The following LRP4 variants were observed in gnomAD, a reference collection of about 807,000 sequenced individuals.
LRP4 encodes the protein low-density lipoprotein receptor-related protein 4.
In LRP4, 95 loss-of-function variants were observed where a neutral mutation model predicts 220.3. That is an observed-to-expected ratio of 0.43 (90% CI 0.37 to 0.51). The LOEUF is 0.51. Among genes scored for constraint, LRP4 ranks in the 20% least tolerant of loss-of-function variants. LRP4 has a pLI of 0.00. For missense variants in LRP4, 1,925 were observed against 2,567.0 expected (o/e 0.75, Z 5.40); for synonymous variants, 903 against 954.6 (o/e 0.95, Z 1.00).
chr11:46,907,794 A>G (rs1941785418), intron 1 of LRP4, among the ~76,000 whole-genome samples: 1 of 152,244 alleles, frequency 6.6e-6, no homozygotes, highest in South Asian at 2.1e-4. Flanking sequence ...TGAGCAAGTT[A>G]GTTAATCCCT....
rs1013630260 is a variant in LRP4, at chr11:46,889,272, C to T, written c.2215+139G>A. 4 of 1,189,306 alleles carry T rather than the reference C, an allele frequency of 3.4e-6. No homozygotes were observed. In the African/African-American group the frequency reaches 6.0e-5, roughly 18 times the overall value. 73.7% of individuals were successfully genotyped at this position (1,189,306 alleles called of 1,614,324 possible). ...GCTTTGATAGAAGATCCCTCAGCCT[C>T]TTAAGTTCTTCCTCTCCAGGGCTCC... On this transcript the variant is annotated intron_variant, in intron 16 of 37. Transcript: ENST00000378623.
chr11:46,870,119 A>G (rs1940821315), intron 31 of LRP4, among the ~76,000 whole-genome samples: 1 of 150,554 alleles, frequency 6.6e-6, no homozygotes, highest in Non-Finnish European at 1.5e-5. Context: ...AAAAAAAAAA[A>G]TTCACCAGGT....
At chr11:46,885,004 GA>G (rs1433997541) in intron 18 of LRP4, among the ~76,000 whole-genome samples, 2 of 152,020 alleles carry the variant, frequency 1.3e-5, no homozygotes, top group African/African-American at 4.8e-5. Context: ...TTGTTTTTTG[GA>G]GACAGGCTCT....
chr11:46,871,491 A>G, intron 31 of LRP4, 34 bp downstream of exon 31: 2 of 1,409,552 alleles, frequency 1.4e-6, no homozygotes, highest in Non-Finnish European at 2.0e-6. Context: ...ATCCCAGTCA[A>G]GGAGGTTTAG....
rs899131280 is a variant in LRP4 at position 46,890,994 on chromosome 11, A to C, written c.1698-500T>G. ...ATACTGGCAACAGGCAGGACATACT[A>C]TCTTAGGCACTGGAAATCTAGCAGT... On this transcript the variant is annotated intron_variant, in intron 13 of 37. Coordinates refer to ENST00000378623, the MANE Select transcript of LRP4 (RefSeq NM_002334.4). The surrounding 1 kb of genome is among the most constrained non-coding windows in gnomAD (Gnocchi z 5.3). Among the ~76,000 whole-genome samples the C allele has an allele frequency of 6.6e-6, 1 of 152,038 alleles. No homozygotes were observed. Among genetic ancestry groups the C allele is most frequent in the African/African-American group, 2.4e-5 (1 of 41,382 alleles).
rs752410125 is a variant in LRP4 at position 46,896,258 on chromosome 11, C to T, written c.1000G>A (p.Val334Ile). The change falls in exon 9 of 38, where the codon GTC (valine) becomes ATC (isoleucine). Residue 334 changes from valine (V) to isoleucine (I), a missense_variant. Transcript: ENST00000378623. ...TCGCTGTTGTCACCACAGTCGTTGA[C>T]CCCGTTGCACAGCTTCCTCTGCCCA... Reference protein sequence around the residue: ...CIGQRKLCNGVNDCGDNSDES... With the variant: ...CIGQRKLCNGINDCGDNSDES... 71 of 1,614,050 alleles carry T rather than the reference C, an allele frequency of 4.4e-5. No homozygotes were observed. Among genetic ancestry groups the T allele is most frequent in the Non-Finnish European group, 5.7e-5 (67 of 1,180,052 alleles).
At chr11:46,887,158 G>A (rs979048988) in intron 16 of LRP4, among the ~76,000 whole-genome samples, 11 of 152,186 alleles carry the variant, frequency 7.2e-5, no homozygotes, top group Admixed American at 2.0e-4. Context: ...TCCAGAGAAA[G>A]AGCTCTGGCC....
At position 46,873,130 on chromosome 11, in the gene LRP4, T is replaced by C. The variant is rs1940913881; in HGVS notation, c.4553A>G (p.Asn1518Ser). Residue 1518 changes from asparagine (N) to serine (S), a missense_variant, in exon 30 of 38, where the codon AAT (asparagine) becomes AGT (serine). This residue lies in a region of LRP4 where 1,244 missense variants were observed against 1,624.9 expected (regional missense o/e 0.77). Coordinates refer to ENST00000378623, the MANE Select transcript of LRP4 (RefSeq NM_002334.4). The surrounding 1 kb of genome is among the most constrained non-coding windows in gnomAD (Gnocchi z 4.2). Reference protein sequence around the residue: ...VLINTDLGWPNGLTLDYDTRR... With the variant: ...VLINTDLGWPSGLTLDYDTRR... ...GGTATCATAGTCCAGGGTAAGGCCA[T>C]TGGGCCAACCCAGGTCTGTGTTGAT... The C allele has an allele frequency of 1.2e-6, 2 of 1,614,206 alleles. No homozygotes were observed. Among genetic ancestry groups the C allele is most frequent in the Non-Finnish European group, 1.7e-6 (2 of 1,180,026 alleles).
At chr11:46,867,894 T>G in intron 34 of LRP4, 85 bp downstream of exon 34, 3 of 1,540,390 alleles carry the variant, frequency 1.9e-6, no homozygotes, top group Non-Finnish European at 2.7e-6. Context: ...ATCTCCCAAC[T>G]GCCTTATCAA....
chr11:46,885,770 C>CT (rs1491521184), intron 18 of LRP4, among the ~76,000 whole-genome samples: 1 of 98,940 alleles, frequency 1.0e-5, no homozygotes, highest in African/African-American at 4.8e-5. Context: ...AAGACTCCGC[C>CT]TCAAAAAAAA....
rs142130999 is a variant in LRP4, at chr11:46,875,681, G to C, written c.3700C>G (p.Arg1234Gly). 2 of 1,613,804 alleles carry C rather than the reference G, an allele frequency of 1.2e-6. No homozygotes were observed. The highest frequency in any genetic ancestry group is 1.7e-6 in the Non-Finnish European group (2 of 1,179,870). Residue 1234 changes from arginine to glycine, a missense_variant and splice_region_variant, in exon 27 of 38, where the codon CGA becomes GGA. Transcript: ENST00000378623. This position sits in a 1 kb window ranked among gnomAD's most constrained non-coding sequence, Gnocchi z 4.5. ...QLLWADAHTE[R>G]IEAADLNGAN... ...CCATTCAGGTCAGCAGCCTCAATTC[G>C]CTGCAGAGGAAGGAGAGGGTGGGGG...
chr11:46,881,247 G>A (rs1195679674), intron 20 of LRP4, among the ~76,000 whole-genome samples: 1 of 152,070 alleles, frequency 6.6e-6, no homozygotes, highest in Non-Finnish European at 1.5e-5. Flanking sequence ...AAATAATAGT[G>A]AGTGTGTACA....
chr11:46,867,280 G>C (rs1327858398), intron 34 of LRP4, among the ~76,000 whole-genome samples: 1 of 152,040 alleles, frequency 6.6e-6, no homozygotes, highest in East Asian at 1.9e-4. Context: ...CATATCTCTG[G>C]GGAAACCTTT....
At position 46,864,412 on chromosome 11, in the gene LRP4, A is replaced by G. The variant is rs756041593; in HGVS notation, c.5243+36T>C. 2.9e-5 allele frequency: 42 copies of G among 1,444,094 alleles called. No individual in the cohort carries two copies. The Admixed American group carries it at 3.7e-4, about 13-fold the overall frequency. 89.5% of individuals were successfully genotyped at this position (1,444,094 alleles called of 1,614,324 possible). On this transcript the variant is annotated intron_variant, in intron 36 of 37. Transcript: ENST00000378623. ...ATCCCAGACATGCTCATGAAGACCA[A>G]TGAGCATGTGGCCCCTGTAGCAAGA...
chr11:46,859,304 G>A lies in LRP4; in HGVS notation c.5397C>T (p.Asp1799=). 6.2e-7 allele frequency: 1 copy of A among 1,613,784 alleles called. No homozygotes were observed. ...QLCYKKEGGP[D]HNYTKEKIKI... is the part of the protein sequence containing the mutation. The stretch of plus-strand genomic sequence containing the variant: ...TGATCTTCTCCTTGGTGTAGTTATG[G>A]TCAGGCCCTCCCTAGGGTGGAGAGT... The change falls in exon 38 of 38, where the codon GAC becomes GAT. Residue 1799 remains aspartate, a synonymous_variant. Transcript: ENST00000378623.
rs1941286566 is a variant in LRP4 at position 46,886,072 on chromosome 11, A to C, written c.2506+19T>G. On this transcript the variant is annotated intron_variant, in intron 18 of 37. Transcript: ENST00000378623. The stretch of plus-strand genomic sequence containing the variant: ...GGAATCCCAGGGAGCCAGGCAGGCC[A>C]CGGCTCCCCTATGCATACCTGCATC... 1 of 1,605,614 alleles carries C rather than the reference A, an allele frequency of 6.2e-7. No individual in the cohort carries two copies. The highest frequency in any genetic ancestry group is 8.5e-7 in the Non-Finnish European group (1 of 1,172,978).
intron 31 of LRP4, among the ~76,000 whole-genome samples, chr11:46,869,753 C>A (rs1940809192): frequency 6.6e-6 from 1 of 151,990 alleles, no homozygotes; most frequent in African/African-American, 2.4e-5. Context: ...GCAGTAGTAC[C>A]CTGTAGTTTT....
At chr11:46,884,024 C>G in intron 18 of LRP4, 48 bp from the exon 19 acceptor site, 1 of 1,458,690 alleles carries the variant, frequency 6.9e-7, no homozygotes, top group East Asian at 2.3e-5. Context: ...TTCATTCACC[C>G]TCTTACCTTC....
At position 46,882,476 on chromosome 11, in the gene LRP4, A is replaced by C. The variant is rs79479529; in HGVS notation, c.2613-573T>G. On this transcript the variant is annotated intron_variant, in intron 19 of 37. Transcript: ENST00000378623. ...TGGGCAACAAGTGAGACTCTGTTTCAAAAAAAAAAGAAAAAAACAAAAAGA... is the reference window on the plus strand; with the variant it reads ...TGGGCAACAAGTGAGACTCTGTTTCCAAAAAAAAAGAAAAAAACAAAAAGA... 1.2e-3 allele frequency among the ~76,000 whole-genome samples: 178 copies of C among 147,888 alleles called. 1 individual carries two copies. Among genetic ancestry groups the C allele is most frequent in the Non-Finnish European group, 2.2e-3 (145 of 66,550 alleles).
Sources: gnomAD v4.1 joint callset for allele counts (sites outside exome capture counted in the v4.1 genomes callset) on GRCh38, gnomAD v4.1.1 for gene constraint, gnomAD v4.1.1 regional missense constraint, Gnocchi (gnomAD v3.1) non-coding constraint, MANE v1.5 for transcripts, NCBI Gene and HGNC (gene_info 2026-07-23, HGNC 2026-07-21) for gene names.